DLGAP2: variants seen among roughly 807,000 people sequenced by gnomAD.
DLGAP2 encodes DLG associated protein 2, also known as disks large-associated protein 2.
A neutral mutation model predicts 100.3 loss-of-function variants in DLGAP2; 26 were observed. The observed-to-expected ratio is 0.26, with a 90% confidence interval of 0.19 to 0.36. The LOEUF (loss-of-function observed/expected upper bound fraction) is 0.36. Among genes scored for constraint, DLGAP2 ranks in the 10% least tolerant of loss-of-function variants. DLGAP2 has a pLI of 1.00. For synonymous variants in DLGAP2, 886 were observed against 630.1 expected, an observed-to-expected ratio of 1.41 and a Z score of -6.08; for missense variants, 1,858 against 1,453.2, an observed-to-expected ratio of 1.28 and a Z score of -4.53.
intron 3 of DLGAP2, among the ~76,000 whole-genome samples, chr8:1,359,203 C>T (rs562531329): frequency 8.5e-5 from 13 of 152,302 alleles, no homozygotes; most frequent in African/African-American, 3.1e-4. Flanking sequence ...GGACAGACAC[C>T]TCCTGGTAAA....
chr8:881,907 C>G (rs535403837), intron 1 of DLGAP2, among the ~76,000 whole-genome samples: 1 of 152,228 alleles, frequency 6.6e-6, no homozygotes, highest in South Asian at 2.1e-4. Context: ...AATTCTCCCA[C>G]CCAATATCCA....
intron 3 of DLGAP2, among the ~76,000 whole-genome samples, chr8:1,291,488 G>T (rs1042887047): frequency 1.3e-5 from 2 of 152,282 alleles, no homozygotes; most frequent in East Asian, 3.9e-4. Context: ...GCTCCCTTCA[G>T]TGCCATATTT....
At chr8:1,271,389 A>G (rs2116930144) in intron 3 of DLGAP2, among the ~76,000 whole-genome samples, 1 of 152,208 alleles carries the variant, frequency 6.6e-6, no homozygotes, top group African/African-American at 2.4e-5. Flanking sequence ...GGACATAGTG[A>G]CTTCTGTTTT....
chr8:1,583,245 A>G (rs933283717), intron 6 of DLGAP2, among the ~76,000 whole-genome samples: 5 of 152,188 alleles, frequency 3.3e-5, no homozygotes, highest in Admixed American at 3.3e-4. Flanking sequence ...TCTCCCTCCC[A>G]TCTGCCATGG....
intron 8 of DLGAP2, among the ~76,000 whole-genome samples, chr8:1,641,168 T>C (rs1797889436): frequency 6.6e-6 from 1 of 152,184 alleles, no homozygotes; most frequent in Non-Finnish European, 1.5e-5. Context: ...ACTTGACACC[T>C]CTGTCTAGAA....
At chr8:1,297,147 G>C (rs112869263) in intron 3 of DLGAP2, 1 of 152,370 alleles carries the variant, frequency 6.6e-6, no homozygotes, top group South Asian at 2.1e-4. Flanking sequence ...GAGAGGAAAC[G>C]TTTTTACAGC....
chr8:930,836 C>T (rs1312835986), intron 2 of DLGAP2, among the ~76,000 whole-genome samples: 2 of 152,144 alleles, frequency 1.3e-5, no homozygotes, highest in African/African-American at 2.4e-5. Context: ...ATTTACATCC[C>T]GTTTATTATG....
intron 2 of DLGAP2, among the ~76,000 whole-genome samples, chr8:1,144,062 C>T (rs1389739407): frequency 6.6e-6 from 1 of 152,188 alleles, no homozygotes; most frequent in Non-Finnish European, 1.5e-5. Context: ...CCGCTTGTTT[C>T]CTCCATTGCA....
At chr8:1,523,585 G>C (rs933413687) in intron 4 of DLGAP2, among the ~76,000 whole-genome samples, 1 of 152,224 alleles carries the variant, frequency 6.6e-6, no homozygotes, top group African/African-American at 2.4e-5. Context: ...CCTGTTTGGA[G>C]GACAGCTGCT....
Position 1,603,983 on chromosome 8 carries a change from C to T in DLGAP2, c.1443-22757C>T, listed in dbSNP as rs975335714. ...CCACCTCCCCACATACCCCAGCCAC[C>T]GCGTCGGCACCTCTCCTCAAGTCAA... is the stretch of plus-strand genomic sequence containing the variant. On this transcript the variant is annotated intron_variant, in intron 6 of 14. Transcript: ENST00000637795. Among the ~76,000 whole-genome samples the T allele has an allele frequency of 5.3e-5, 8 of 152,266 alleles. No individual in the cohort carries two copies. The South Asian group carries it at 1.4e-3, about 28-fold the overall frequency.
chr8:1,277,748 G>T (rs1253921837), intron 3 of DLGAP2, among the ~76,000 whole-genome samples: 1 of 152,152 alleles, frequency 6.6e-6, no homozygotes, highest in African/African-American at 2.4e-5. Flanking sequence ...ACGTCAGGGA[G>T]CACCCCCACC....
chr8:1,216,479 T>C (rs1467945092), intron 2 of DLGAP2, among the ~76,000 whole-genome samples: 1 of 151,792 alleles, frequency 6.6e-6, no homozygotes, highest in African/African-American at 2.4e-5. Context: ...CTCCCACGTA[T>C]GTGCCACCAT....
intron 3 of DLGAP2, among the ~76,000 whole-genome samples, chr8:1,412,723 C>T (rs925597991): frequency 6.6e-6 from 1 of 152,186 alleles, no homozygotes; most frequent in Non-Finnish European, 1.5e-5. Flanking sequence ...TGTTCTTGGG[C>T]ACTTAGCAAG....
chr8:817,709 C>T (rs1474435870), intron 1 of DLGAP2, among the ~76,000 whole-genome samples: 1 of 152,216 alleles, frequency 6.6e-6, no homozygotes, highest in Non-Finnish European at 1.5e-5. Context: ...TTCCTGAGAA[C>T]CAAACTGTAG....
At chr8:1,371,118 C>G (rs113456811) in intron 3 of DLGAP2, among the ~76,000 whole-genome samples, 30 of 152,346 alleles carry the variant, frequency 2.0e-4, no homozygotes, top group African/African-American at 6.3e-4. Flanking sequence ...TGTTTCTTGC[C>G]TCCCAGATGC....
At chr8:1,165,587 C>T (rs1311200009) in intron 2 of DLGAP2, among the ~76,000 whole-genome samples, 13 of 152,224 alleles carry the variant, frequency 8.5e-5, no homozygotes, top group Admixed American at 8.5e-4. Flanking sequence ...GCAAGACAGG[C>T]AGTGGCCCTT....
intron 3 of DLGAP2, among the ~76,000 whole-genome samples, chr8:1,455,065 C>G (rs570037794): frequency 2.6e-5 from 4 of 152,318 alleles, no homozygotes; most frequent in Middle Eastern, 3.4e-3. Context: ...AAGGAAGGTT[C>G]CAGACACATC....
chr8:1,019,353 G>A (rs1208788142), intron 2 of DLGAP2: 1 of 151,884 alleles, frequency 6.6e-6, no homozygotes, highest in East Asian at 1.9e-4. Context: ...CAGGACCAGA[G>A]AATCTCTGCT....
chr8:1,111,121 C>T (rs1234679193), intron 2 of DLGAP2, among the ~76,000 whole-genome samples: 2 of 152,192 alleles, frequency 1.3e-5, no homozygotes, highest in Non-Finnish European at 2.9e-5. Context: ...CTTACCAAGC[C>T]CAGAACATCA....
Sources: gnomAD v4.1 joint callset for allele counts (sites outside exome capture counted in the v4.1 genomes callset) on GRCh38, gnomAD v4.1.1 for gene constraint, MANE v1.5 for transcripts, NCBI Gene and HGNC (gene_info 2026-07-23, HGNC 2026-07-21) for gene names.